LCLAT1: variants seen among roughly 807,000 people sequenced by gnomAD.
LCLAT1 encodes the protein lysocardiolipin acyltransferase 1.
A neutral mutation model predicts 30.7 loss-of-function variants in LCLAT1; 11 were observed. The ratio of observed to expected loss-of-function variants is 0.36; its 90% confidence interval spans 0.23 to 0.59. The LOEUF is 0.59. LCLAT1 is among the 20% of genes least tolerant of loss of function. The probability of loss-of-function intolerance (pLI) is 0.77; values close to 1 mark genes in which losing one functional copy is unlikely to be tolerated. For synonymous variants in LCLAT1, 155 were observed against 151.3 expected, an observed-to-expected ratio of 1.02 and a Z score of -0.18; for missense variants, 402 against 458.6, an observed-to-expected ratio of 0.88 and a Z score of 1.13.
chr2:30,510,578 C>A (rs970860485), intron 1 of LCLAT1, among the ~76,000 whole-genome samples: 5 of 152,154 alleles, frequency 3.3e-5, no homozygotes, highest in African/African-American at 1.2e-4. Context: ...CATCCATTAT[C>A]TTTGCTATTA....
At chr2:30,581,927 G>A (rs1666228746) in intron 5 of LCLAT1, among the ~76,000 whole-genome samples, 2 of 152,160 alleles carry the variant, frequency 1.3e-5, no homozygotes, top group African/African-American at 2.4e-5. Context: ...AACACAGGAA[G>A]TAAGTGTTTG....
chr2:30,567,637 G>C, intron 4 of LCLAT1, among the ~76,000 whole-genome samples: 1 of 152,284 alleles, frequency 6.6e-6, no homozygotes, highest in South Asian at 2.1e-4. Context: ...GCAGTTACCC[G>C]AGACAGCCAT....
chr2:30,450,952 A>G (rs1432138613), intron 1 of LCLAT1, among the ~76,000 whole-genome samples: 2 of 152,044 alleles, frequency 1.3e-5, no homozygotes, highest in Non-Finnish European at 2.9e-5. Context: ...GAAATTTGCA[A>G]TTTATATATC....
At chr2:30,598,239 T>A (rs2148486831) in intron 5 of LCLAT1, among the ~76,000 whole-genome samples, 1 of 152,290 alleles carries the variant, frequency 6.6e-6, no homozygotes, top group East Asian at 1.9e-4. Flanking sequence ...TTTGTATCTC[T>A]GGTAGAATTC....
At chr2:30,524,165 T>A (rs752897510) in intron 1 of LCLAT1, among the ~76,000 whole-genome samples, 36 of 152,198 alleles carry the variant, frequency 2.4e-4, no homozygotes, top group Admixed American at 1.1e-3. Flanking sequence ...AAATCAAATG[T>A]TTATTCATTT....
chr2:30,504,639 A>T (rs1233806351), intron 1 of LCLAT1, among the ~76,000 whole-genome samples: 1 of 152,204 alleles, frequency 6.6e-6, no homozygotes, highest in Non-Finnish European at 1.5e-5. Flanking sequence ...ATGGAAAAAT[A>T]GCAGTTACTG....
chr2:30,582,479 AT>A (rs747929439), intron 5 of LCLAT1, among the ~76,000 whole-genome samples: 9 of 152,146 alleles, frequency 5.9e-5, no homozygotes, highest in Non-Finnish European at 1.3e-4. Context: ...GATATTTTGT[AT>A]TTGGCTTATT....
chr2:30,478,916 C>T (rs1683185121), intron 1 of LCLAT1, among the ~76,000 whole-genome samples: 1 of 152,138 alleles, frequency 6.6e-6, no homozygotes, highest in Non-Finnish European at 1.5e-5. Context: ...AATCAAGCCT[C>T]CTGGGATATA....
At chr2:30,607,928 A>C (rs1031065516) in intron 5 of LCLAT1, 1 of 164,238 alleles carries the variant, frequency 6.1e-6, no homozygotes, top group Non-Finnish European at 1.3e-5. Flanking sequence ...TTTTTTAAAA[A>C]AGTTTTTATA....
chr2:30,510,585 A>G (rs1215240522), intron 1 of LCLAT1, among the ~76,000 whole-genome samples: 1 of 152,126 alleles, frequency 6.6e-6, no homozygotes, highest in Admixed American at 6.5e-5. Flanking sequence ...TATCTTTGCT[A>G]TTAGTAGGCT....
chr2:30,625,563 G>C (rs533961095), intron 5 of LCLAT1, among the ~76,000 whole-genome samples: 3 of 152,284 alleles, frequency 2.0e-5, no homozygotes, highest in Admixed American at 1.3e-4. Context: ...ATGGAGAAAA[G>C]AAAGAAATTG....
At chr2:30,558,900 T>A (rs1665065050) in intron 3 of LCLAT1, among the ~76,000 whole-genome samples, 1 of 152,162 alleles carries the variant, frequency 6.6e-6, no homozygotes, top group African/African-American at 2.4e-5. Context: ...GAAAGACAGG[T>A]ACAAGATTAT....
At chr2:30,551,408 C>T (rs1458580982) in intron 3 of LCLAT1, among the ~76,000 whole-genome samples, 2 of 152,148 alleles carry the variant, frequency 1.3e-5, no homozygotes, top group African/African-American at 4.8e-5. Flanking sequence ...CCAGGTTCAT[C>T]TTGTATTTTT....
At chr2:30,608,715 C>A (rs576157160) in intron 5 of LCLAT1, among the ~76,000 whole-genome samples, 4 of 152,074 alleles carry the variant, frequency 2.6e-5, no homozygotes, top group African/African-American at 9.7e-5. Flanking sequence ...GGGTCATAGA[C>A]TATATACTGT....
intron 5 of LCLAT1, among the ~76,000 whole-genome samples, chr2:30,625,964 G>A (rs1337092204): frequency 6.6e-6 from 1 of 152,112 alleles, no homozygotes; most frequent in Non-Finnish European, 1.5e-5. Context: ...TAAACTGTAA[G>A]GGCAAGCATT....
At chr2:30,624,893 A>G (rs1668432662) in intron 5 of LCLAT1, among the ~76,000 whole-genome samples, 1 of 152,202 alleles carries the variant, frequency 6.6e-6, no homozygotes. Context: ...ATTCGAGAAA[A>G]ATGAAATTAT....
chr2:30,488,583 G>T (rs1277255871), intron 1 of LCLAT1, among the ~76,000 whole-genome samples: 2 of 152,182 alleles, frequency 1.3e-5, no homozygotes, highest in Admixed American at 1.3e-4. Flanking sequence ...ATTAGATATT[G>T]ACTCTTAGAT....
At chr2:30,592,058 G>A (rs1471282742) in intron 5 of LCLAT1, among the ~76,000 whole-genome samples, 1 of 152,074 alleles carries the variant, frequency 6.6e-6, no homozygotes, top group African/African-American at 2.4e-5. Context: ...CAGCCCTAGC[G>A]CAGGACTTGG....
chr2:30,508,856 G>A (rs903346231), intron 1 of LCLAT1, among the ~76,000 whole-genome samples: 2 of 152,192 alleles, frequency 1.3e-5, no homozygotes, highest in Non-Finnish European at 2.9e-5. Flanking sequence ...ATTACTTTGT[G>A]TAGTATGGCC....
Sources: allele counts gnomAD v4.1 joint callset (sites outside exome capture counted in the v4.1 genomes callset), GRCh38; gene constraint gnomAD v4.1.1; transcripts MANE v1.5; gene names NCBI Gene and HGNC (gene_info 2026-07-23, HGNC 2026-07-21).